The following SYT1 variants were observed in gnomAD, a reference collection of about 807,000 sequenced individuals.
SYT1 encodes synaptotagmin-1.
A neutral mutation model predicts 44.8 loss-of-function variants in SYT1; 8 were observed. That is an observed-to-expected ratio of 0.18 (90% confidence interval 0.10 to 0.32). The LOEUF is 0.32. Among genes scored for constraint, SYT1 ranks in the 10% least tolerant of loss-of-function variants. SYT1 has a pLI of 1.00. For missense variants in SYT1, 286 were observed against 509.3 expected, an observed-to-expected ratio of 0.56 and a Z score of 4.22; for synonymous variants, 154 against 188.8, an observed-to-expected ratio of 0.82 and a Z score of 1.51.
At chr12:79,002,023 A>G (rs569944839) in intron 2 of SYT1, among the ~76,000 whole-genome samples, 1 of 152,230 alleles carries the variant, frequency 6.6e-6, no homozygotes, top group East Asian at 1.9e-4. Flanking sequence ...CTCTACTTTA[A>G]TCATCTGCAT....
intron 2 of SYT1, among the ~76,000 whole-genome samples, chr12:79,030,915 C>T (rs1872789532): frequency 6.6e-6 from 1 of 150,902 alleles, no homozygotes; most frequent in Non-Finnish European, 1.5e-5. Context: ...GAGTTCTCCT[C>T]AGAGATATGT....
intron 3 of SYT1, among the ~76,000 whole-genome samples, chr12:79,092,066 T>G (rs1322898824): frequency 6.6e-6 from 1 of 151,922 alleles, no homozygotes; most frequent in Non-Finnish European, 1.5e-5. Flanking sequence ...TGTAATACCT[T>G]TAAACTTGAG....
chr12:79,153,276 G>A (rs1407745109), intron 3 of SYT1, among the ~76,000 whole-genome samples: 4 of 152,048 alleles, frequency 2.6e-5, no homozygotes, highest in African/African-American at 4.8e-5. Flanking sequence ...ATAATCAATT[G>A]GATGCCAATC....
At chr12:79,075,089 AGCCCTATATTT>A (rs1383069684) in intron 3 of SYT1, among the ~76,000 whole-genome samples, 6 of 152,208 alleles carry the variant, frequency 3.9e-5, no homozygotes, top group Admixed American at 3.9e-4. Context: ...TAGAAGAACA[AGCCCTATATTT>A]GCAGAAATGC....
intron 2 of SYT1, among the ~76,000 whole-genome samples, chr12:79,041,550 C>T (rs1282234611): frequency 2.6e-5 from 4 of 152,074 alleles, no homozygotes; most frequent in African/African-American, 9.7e-5. Flanking sequence ...TTTCTTGATA[C>T]ACAATCATGT....
At chr12:79,161,286 A>G (rs1377836839) in intron 3 of SYT1, among the ~76,000 whole-genome samples, 1 of 152,078 alleles carries the variant, frequency 6.6e-6, no homozygotes, top group Non-Finnish European at 1.5e-5. Flanking sequence ...TACCTTTTCT[A>G]TGTTTAAATA....
At chr12:78,881,448 G>A (rs1874450902) in intron 1 of SYT1, among the ~76,000 whole-genome samples, 1 of 151,718 alleles carries the variant, frequency 6.6e-6, no homozygotes, top group Non-Finnish European at 1.5e-5. Context: ...TGGGTTTAAA[G>A]ATTGTGTCTT....
Position 79,231,532 on chromosome 12 carries a change from T to C in SYT1, c.166+13847T>C, listed in dbSNP as rs566092405. Among the ~76,000 whole-genome samples the C allele has an allele frequency of 7.9e-5, 12 of 152,180 alleles. No individual in the cohort carries two copies. In the East Asian group the frequency reaches 2.3e-3, roughly 29 times the overall value. ...AATAGTAGACAACGAATAATAGAAA[T>C]ATATTTGAACTGATAAATATGCCAT... is the stretch of plus-strand genomic sequence containing the variant. On this transcript the variant is annotated intron_variant, in intron 4 of 10. Transcript: ENST00000261205.
intron 3 of SYT1, among the ~76,000 whole-genome samples, chr12:79,086,070 A>G (rs1877359439): frequency 6.6e-6 from 1 of 152,276 alleles, no homozygotes; most frequent in African/African-American, 2.4e-5. Flanking sequence ...CTAACCTTAC[A>G]GGATTATTGT....
chr12:78,993,014 T>C (rs1870124312), intron 2 of SYT1, among the ~76,000 whole-genome samples: 1 of 152,212 alleles, frequency 6.6e-6, no homozygotes, highest in Non-Finnish European at 1.5e-5. Context: ...ACACTTGCTC[T>C]TTGGCATTTT....
intron 3 of SYT1, among the ~76,000 whole-genome samples, chr12:79,148,452 A>C (rs967160847): frequency 2.0e-5 from 3 of 152,168 alleles, no homozygotes; most frequent in African/African-American, 7.2e-5. Flanking sequence ...TTTCAGGAGA[A>C]GGTCTTTCCT....
chr12:79,071,540 C>T (rs1444649926), intron 3 of SYT1, among the ~76,000 whole-genome samples: 1 of 152,172 alleles, frequency 6.6e-6, no homozygotes, highest in Admixed American at 6.6e-5. Context: ...CCATAACAAA[C>T]CACCAATTTG....
At chr12:78,981,746 A>G (rs1236394310) in intron 2 of SYT1, among the ~76,000 whole-genome samples, 1 of 152,196 alleles carries the variant, frequency 6.6e-6, no homozygotes, top group Non-Finnish European at 1.5e-5. Flanking sequence ...CATTTAATTT[A>G]TGAAATAGTT....
chr12:79,335,261 C>T (rs17005484), intron 8 of SYT1, among the ~76,000 whole-genome samples: 9,210 of 152,088 alleles, frequency 0.061, 619 homozygotes, highest in African/African-American at 0.17. Flanking sequence ...AGTCCTTTTT[C>T]CTGGAACTTG....
intron 4 of SYT1, among the ~76,000 whole-genome samples, chr12:79,235,018 G>T (rs1323283296): frequency 6.6e-6 from 1 of 152,074 alleles, no homozygotes; most frequent in Non-Finnish European, 1.5e-5. Context: ...CTAGTTTGGG[G>T]CTCTTAAGAA....
intron 3 of SYT1, among the ~76,000 whole-genome samples, chr12:79,195,728 A>T (rs560961361): frequency 6.6e-6 from 1 of 152,328 alleles, no homozygotes; most frequent in East Asian, 1.9e-4. Flanking sequence ...AAGATGCCAG[A>T]TTCATCACTT....
intron 4 of SYT1, among the ~76,000 whole-genome samples, chr12:79,280,659 G>A (rs1470850180): frequency 1.3e-5 from 2 of 151,486 alleles, no homozygotes; most frequent in African/African-American, 4.8e-5. Context: ...AAATAAATAG[G>A]ACTTAAATTA....
chr12:78,919,635 A>G (rs140209158), intron 1 of SYT1, among the ~76,000 whole-genome samples: 1 of 152,056 alleles, frequency 6.6e-6, no homozygotes, highest in African/African-American at 2.4e-5. Context: ...TTGCATGTAT[A>G]TTTACTGCTT....
chr12:79,448,199 C>T (rs1033050682), intron 10 of SYT1, among the ~76,000 whole-genome samples: 3 of 152,060 alleles, frequency 2.0e-5, no homozygotes, highest in African/African-American at 7.2e-5. Flanking sequence ...GAATAAATCC[C>T]GTGTAGCCTA....
Sources: allele counts gnomAD v4.1 joint callset (sites outside exome capture counted in the v4.1 genomes callset), GRCh38; gene constraint gnomAD v4.1.1; transcripts MANE v1.5; gene names NCBI Gene and HGNC (gene_info 2026-07-23, HGNC 2026-07-21).